MRPL3: variants seen among roughly 807,000 people sequenced by gnomAD.
MRPL3 encodes large ribosomal subunit protein uL3m.
Under a neutral mutation model 44.3 loss-of-function variants are expected in MRPL3, and 43 were observed. That is an observed-to-expected ratio of 0.97 (90% CI 0.76 to 1.25). The LOEUF is 1.25. Among genes scored for constraint, MRPL3 ranks in the 50% most tolerant of loss-of-function variants. The pLI, the probability that MRPL3 is intolerant of heterozygous loss-of-function variation, is 0.00. For missense variants in MRPL3, 406 were observed against 427.6 expected (o/e 0.95, Z 0.45); for synonymous variants, 171 against 152.3 (o/e 1.12, Z -0.91).
chr3:131,478,080 A>G (rs1933895151), intron 6 of MRPL3, among the ~76,000 whole-genome samples: 3 of 152,214 alleles, frequency 2.0e-5, no homozygotes, highest in Non-Finnish European at 4.4e-5. Context: ...GCCTATCTCC[A>G]ATTTAGAGCT....
At chr3:131,493,825 G>T (rs1460196857) in intron 4 of MRPL3, among the ~76,000 whole-genome samples, 1 of 152,136 alleles carries the variant, frequency 6.6e-6, no homozygotes, top group Non-Finnish European at 1.5e-5. Context: ...TTTTCAAAAA[G>T]CAAGAATAGC....
intron 5 of MRPL3, among the ~76,000 whole-genome samples, chr3:131,487,992 C>G (rs1934168296): frequency 6.6e-6 from 1 of 152,118 alleles, no homozygotes; most frequent in Non-Finnish European, 1.5e-5. Flanking sequence ...TGCTGTCAAA[C>G]ATATAAATTT....
intron 6 of MRPL3, among the ~76,000 whole-genome samples, chr3:131,472,857 T>C (rs891495501): frequency 1.3e-5 from 2 of 151,960 alleles, no homozygotes; most frequent in Non-Finnish European, 2.9e-5. Context: ...ATAAACTTAA[T>C]AATGGAAGTG....
At chr3:131,493,570 A>G (rs10512807) in intron 4 of MRPL3, among the ~76,000 whole-genome samples, 11,204 of 152,254 alleles carry the variant, frequency 0.074, 1,049 homozygotes, top group African/African-American at 0.21. Flanking sequence ...GGCTAAACCA[A>G]CGATGAAAAG....
intron 9 of MRPL3, among the ~76,000 whole-genome samples, chr3:131,464,917 C>T (rs1933567156): frequency 6.6e-6 from 1 of 152,170 alleles, no homozygotes; most frequent in Non-Finnish European, 1.5e-5. Context: ...CAAGGAAGGA[C>T]TAATTTACCT....
Position 131,475,179 on chromosome 3 carries a change from C to T in MRPL3, c.630-3900G>A, listed in dbSNP as rs374958985. Among the ~76,000 whole-genome samples the T allele has an allele frequency of 1.1e-4, 16 of 152,134 alleles. No individual in the cohort carries two copies. The South Asian group carries it at 2.5e-3, about 24-fold the overall frequency. On this transcript the variant is annotated intron_variant, in intron 6 of 9. Coordinates refer to ENST00000264995, the MANE Select transcript of MRPL3 (RefSeq NM_007208.4). ...ACAGAGTGTTCCCTAACCCCACCAACGTTAGCTATTATTATATAGTGTACT... is the reference window on the plus strand; with the variant it reads ...ACAGAGTGTTCCCTAACCCCACCAATGTTAGCTATTATTATATAGTGTACT...
rs116437167 is a variant in MRPL3 at position 131,469,414 on chromosome 3, T to C, written c.816+282A>G. On this transcript the variant is annotated intron_variant, in intron 8 of 9. Transcript: ENST00000264995. ...ATCTTACTTTTTTCATGCAACAATA[T>C]CTTGTAAAAATCTTCCAGGTCCAAG... is the stretch of plus-strand genomic sequence containing the variant. Among the ~76,000 whole-genome samples the C allele has an allele frequency of 6.0e-3, 906 of 152,146 alleles. 8 individuals are homozygous for C. The highest frequency in any genetic ancestry group is 0.02 in the African/African-American group (828 of 41,526).
intron 4 of MRPL3, among the ~76,000 whole-genome samples, chr3:131,490,458 C>T (rs1559828609): frequency 6.6e-6 from 1 of 152,182 alleles, no homozygotes; most frequent in African/African-American, 2.4e-5. Context: ...TTATTCTAAA[C>T]TGGAAGAAAA....
chr3:131,479,771 G>A (rs751021379), intron 6 of MRPL3, among the ~76,000 whole-genome samples: 5 of 152,196 alleles, frequency 3.3e-5, no homozygotes, highest in Non-Finnish European at 7.4e-5. Flanking sequence ...CATGAACCCA[G>A]GAGGCAGAGT....
intron 9 of MRPL3, among the ~76,000 whole-genome samples, chr3:131,467,676 C>G (rs1444443358): frequency 6.6e-6 from 1 of 152,134 alleles, no homozygotes; most frequent in Non-Finnish European, 1.5e-5. Flanking sequence ...TTGTAAGTTT[C>G]CTGAGGCCTC....
intron 4 of MRPL3, among the ~76,000 whole-genome samples, chr3:131,496,146 C>T (rs968922429): frequency 6.6e-6 from 1 of 152,152 alleles, no homozygotes; most frequent in Non-Finnish European, 1.5e-5. Flanking sequence ...GATGATGATG[C>T]TAGTCATTAC....
chr3:131,495,420 A>C (rs554743561), intron 4 of MRPL3, among the ~76,000 whole-genome samples: 2 of 152,262 alleles, frequency 1.3e-5, no homozygotes, highest in East Asian at 3.9e-4. Flanking sequence ...CTGGACTTAG[A>C]AATTTTATAT....
chr3:131,488,722 G>A (rs544962500), intron 5 of MRPL3: 1 of 151,950 alleles, frequency 6.6e-6, no homozygotes, highest in Non-Finnish European at 1.5e-5. Flanking sequence ...AATACAAGCA[G>A]CAAAGTGCTG....
intron 2 of MRPL3, 54 bp from the exon 3 acceptor site, chr3:131,500,575 C>T: frequency 6.9e-7 from 1 of 1,448,662 alleles, no homozygotes; most frequent in Non-Finnish European, 9.7e-7. Context: ...CATTCACCAA[C>T]ATTATGAAAT....
intron 3 of MRPL3, among the ~76,000 whole-genome samples, chr3:131,499,203 A>T (rs1185412742): frequency 6.6e-6 from 1 of 152,134 alleles, no homozygotes; most frequent in East Asian, 1.9e-4. Context: ...AGGTTCATCT[A>T]TATTGTGTGT....
intron 6 of MRPL3, among the ~76,000 whole-genome samples, chr3:131,476,240 C>A (rs1300505431): frequency 1.3e-5 from 2 of 152,238 alleles, no homozygotes; most frequent in Admixed American, 1.3e-4. Context: ...TCTTCAGTAA[C>A]CTTTAAACAA....
At chr3:131,490,446 A>G (rs906153311) in intron 4 of MRPL3, among the ~76,000 whole-genome samples, 1 of 152,198 alleles carries the variant, frequency 6.6e-6, no homozygotes, top group African/African-American at 2.4e-5. Context: ...CCTATTCTGC[A>G]CTTATTCTAA....
chr3:131,479,885 G>A (rs1265789191), intron 6 of MRPL3, among the ~76,000 whole-genome samples: 2 of 152,052 alleles, frequency 1.3e-5, no homozygotes, highest in Non-Finnish European at 2.9e-5. Flanking sequence ...CTGTGATAAA[G>A]TATTACTGAA....
At chr3:131,495,504 A>G (rs1185308999) in intron 4 of MRPL3, among the ~76,000 whole-genome samples, 1 of 152,156 alleles carries the variant, frequency 6.6e-6, no homozygotes, top group Non-Finnish European at 1.5e-5. Flanking sequence ...TGAAGTTTTC[A>G]AAGTTTACGT....
Sources: allele counts gnomAD v4.1 joint callset (sites outside exome capture counted in the v4.1 genomes callset), GRCh38; gene constraint gnomAD v4.1.1; transcripts MANE v1.5; gene names NCBI Gene and HGNC (gene_info 2026-07-23, HGNC 2026-07-21).